Variants in TRIM3 observed in about 807,000 individuals in gnomAD.
The protein encoded by TRIM3 is tripartite motif-containing protein 3.
TRIM3 carries 13 observed loss-of-function variants against 66.6 expected under a neutral mutation model. That is an observed-to-expected ratio of 0.20 (90% CI 0.13 to 0.31). The LOEUF is 0.31. TRIM3 is among the 10% of genes least tolerant of loss of function. The pLI is 1.00. For synonymous variants in TRIM3, 406 were observed against 411.7 expected (o/e 0.99, Z 0.17); for missense variants, 711 against 1,020.4 (o/e 0.70, Z 4.13).
intron 1 of TRIM3, among the ~76,000 whole-genome samples, chr11:6,473,558 A>T (rs941833952): frequency 6.6e-6 from 1 of 151,962 alleles, no homozygotes; most frequent in Non-Finnish European, 1.5e-5. Context: ...CGCTCCCCTA[A>T]GGAACCATCA....
At chr11:6,469,364 G>A (rs1850592857) in intron 1 of TRIM3, among the ~76,000 whole-genome samples, 1 of 152,144 alleles carries the variant, frequency 6.6e-6, no homozygotes, top group African/African-American at 2.4e-5. Context: ...TACTGGGCAT[G>A]CAGCCGCTGA....
Position 6,450,213 on chromosome 11 carries a change from T to A in TRIM3, c.1941+338A>T. 3.8e-6 allele frequency: 1 copy of A among 264,442 alleles called. No homozygotes were observed. Among genetic ancestry groups the A allele is most frequent in the Admixed American group, 4.9e-5 (1 of 20,436 alleles). 16.4% of individuals were successfully genotyped at this position (264,442 alleles called of 1,614,324 possible). A position where few individuals can be genotyped will look rare whatever the true frequency, so the allele number is the denominator to read the frequency against. On this transcript the variant is annotated intron_variant, in intron 10 of 11. Transcript: ENST00000345851. The surrounding 1 kb of genome is among the most constrained non-coding windows in gnomAD (Gnocchi z 4.8). ...TGTGCTTGAGGTCCTCCTCATATAG[T>A]CTTTCCTGAATCATACACTTCTGTA...
At chr11:6,462,026 A>T (rs947037495) in intron 2 of TRIM3, among the ~76,000 whole-genome samples, 5 of 152,104 alleles carry the variant, frequency 3.3e-5, no homozygotes, top group Non-Finnish European at 7.4e-5. Context: ...TGGTATCTGA[A>T]CATGTCCTGT....
intron 1 of TRIM3, among the ~76,000 whole-genome samples, chr11:6,472,755 G>C (rs1218062053): frequency 6.6e-6 from 1 of 152,196 alleles, no homozygotes. Flanking sequence ...CCCAAGAAGA[G>C]AGACCTCTGC....
At chr11:6,453,275 A>G (rs1849811301) in intron 7 of TRIM3, 1 of 152,210 alleles carries the variant, frequency 6.6e-6, no homozygotes, top group Non-Finnish European at 1.5e-5. Flanking sequence ...TCATCAACTT[A>G]AACCTGGGCC....
At position 6,460,332 on chromosome 11, in the gene TRIM3, C is replaced by T. The variant is rs150267584; in HGVS notation, c.132-2036G>A. ...TTGAGTGAAGGGGAGCTTGAAAGTT[C>T]CAATGAGGAGCTGGTTGAGGGGTTG... On this transcript the variant is annotated intron_variant, in intron 2 of 11. Coordinates refer to ENST00000345851, the MANE Select transcript of TRIM3 (RefSeq NM_033278.4). Among the ~76,000 whole-genome samples, 411 of 152,182 alleles carry T rather than the reference C, an allele frequency of 2.7e-3. 2 individuals are homozygous for T. Among genetic ancestry groups the T allele is most frequent in the African/African-American group, 8.8e-3 (367 of 41,510 alleles).
At chr11:6,453,600 A>C (rs1849831592) in intron 7 of TRIM3, among the ~76,000 whole-genome samples, 1 of 152,260 alleles carries the variant, frequency 6.6e-6, no homozygotes, top group Non-Finnish European at 1.5e-5. Context: ...GAGGGAACTG[A>C]GAAGAATGTG....
chr11:6,453,077 A>C (rs1161475375), intron 7 of TRIM3: 1 of 152,200 alleles, frequency 6.6e-6, no homozygotes, highest in Non-Finnish European at 1.5e-5. Flanking sequence ...CCTTCTAAGG[A>C]TGTAAGCCTC....
At chr11:6,468,489 G>C (rs56024253) in intron 1 of TRIM3, among the ~76,000 whole-genome samples, 13,864 of 152,280 alleles carry the variant, frequency 0.091, 812 homozygotes, top group Non-Finnish European at 0.13. Context: ...GCACAAGAGA[G>C]GGGAGCCAGC....
Position 6,448,713 on chromosome 11 carries a change from G to C in TRIM3, c.*315C>G, listed in dbSNP as rs1849597588. 1.6e-6 allele frequency: 1 copy of C among 607,712 alleles called. No individual in the cohort carries two copies. The highest frequency in any genetic ancestry group is 2.0e-5 in the South Asian group (1 of 50,006). The allele number at this position is 607,712 out of a possible 1,614,324, so 37.6% of individuals were successfully genotyped here. ...GACAACTAGAGGGACTCCTGTCCTG[G>C]GGTAGGCTGTTCTGGCCCCAGGCTG... On this transcript the variant is annotated 3_prime_UTR_variant, in exon 12 of 12. Coordinates refer to ENST00000345851, the MANE Select transcript of TRIM3 (RefSeq NM_033278.4).
At chr11:6,455,923 G>A in intron 7 of TRIM3, 149 bp downstream of exon 7, 1 of 779,218 alleles carries the variant, frequency 1.3e-6, no homozygotes, top group South Asian at 1.7e-5. Flanking sequence ...GTGCGTAAGG[G>A]GTGATCCTTT....
chr11:6,464,383 C>T (rs1000996760), intron 2 of TRIM3, among the ~76,000 whole-genome samples: 1 of 152,198 alleles, frequency 6.6e-6, no homozygotes, highest in African/African-American at 2.4e-5. Context: ...ACCTAGTTAA[C>T]TCCTATTCAT....
rs779224265 is a variant in TRIM3 at position 6,450,662 on chromosome 11, G to A, written c.1871-41C>T. 6.9e-6 allele frequency: 11 copies of A among 1,585,834 alleles called. 1 individual carries two copies. The South Asian group carries it at 1.2e-4, about 18-fold the overall frequency. On this transcript the variant is annotated intron_variant, in intron 9 of 11. Coordinates refer to ENST00000345851, the MANE Select transcript of TRIM3 (RefSeq NM_033278.4). The surrounding 1 kb of genome is among the most constrained non-coding windows in gnomAD (Gnocchi z 4.8). Reference sequence around the variant, plus strand: ...GGTCTTCAGGGCAGTAAGCTGGGATGCTGAGTGGGATGGGGAAGAGTATCT... The same window carrying A: ...GGTCTTCAGGGCAGTAAGCTGGGATACTGAGTGGGATGGGGAAGAGTATCT...
chr11:6,463,633 C>A (rs1232241843), intron 2 of TRIM3, among the ~76,000 whole-genome samples: 4 of 152,188 alleles, frequency 2.6e-5, no homozygotes, highest in Non-Finnish European at 5.9e-5. Flanking sequence ...AAAGAGGGAG[C>A]AGTCAAAGGG....
intron 1 of TRIM3, among the ~76,000 whole-genome samples, chr11:6,471,920 T>A (rs1222523582): frequency 6.6e-6 from 1 of 151,802 alleles, no homozygotes; most frequent in Non-Finnish European, 1.5e-5. Context: ...AAGGCAGAGG[T>A]TATACATGAT....
rs540603568 is a variant in TRIM3, at chr11:6,466,561, C to G, written c.-37-829G>C. On this transcript the variant is annotated intron_variant, in intron 1 of 11. Coordinates refer to ENST00000345851, the MANE Select transcript of TRIM3 (RefSeq NM_033278.4). ...CCATACCTTTTCTACAACCTCATGT[C>G]TCATAAGTCTATGATCAATCATTCC... is the stretch of plus-strand genomic sequence containing the variant. 2.7e-5 allele frequency among the ~76,000 whole-genome samples: 4 copies of G among 150,718 alleles called. No homozygotes were observed. The East Asian group carries it at 5.8e-4, about 22-fold the overall frequency.
In TRIM3 at chr11:6,456,559, C is replaced by G. The variant is rs1391395469; in HGVS notation, c.1167G>C (p.Val389=). 1.2e-6 allele frequency: 2 copies of G among 1,612,696 alleles called. No individual in the cohort carries two copies. The highest frequency in any genetic ancestry group is 2.2e-5 in the South Asian group (2 of 90,996). The part of the protein sequence containing the change: ...VDHKNGTYEL[V]YTARTEGELL... ...GCTCGCCTTCCGTGCGCGCTGTGTA[C>G]ACTAGCTCATATGTGCCATTCTTGT... Residue 389 remains valine, a synonymous_variant, in exon 6 of 12, where the codon GTG becomes GTC. Coordinates refer to ENST00000345851, the MANE Select transcript of TRIM3 (RefSeq NM_033278.4). The surrounding 1 kb of genome is among the most constrained non-coding windows in gnomAD (Gnocchi z 6.4).
chr11:6,465,294 AG>A (rs1400808865), intron 2 of TRIM3, among the ~76,000 whole-genome samples: 1 of 152,140 alleles, frequency 6.6e-6, no homozygotes, highest in African/African-American at 2.4e-5. Flanking sequence ...TGGTGTCAAA[AG>A]CTGCCTTGAG....
intron 2 of TRIM3, 140 bp downstream of exon 2, chr11:6,465,425 C>T (rs1389700065): frequency 9.8e-7 from 1 of 1,018,602 alleles, no homozygotes; most frequent in African/African-American, 1.6e-5. Flanking sequence ...GGTTGGGGTT[C>T]ACCTGCTCTC....
Sources: gnomAD v4.1 joint callset for allele counts (sites outside exome capture counted in the v4.1 genomes callset) on GRCh38, gnomAD v4.1.1 for gene constraint, Gnocchi (gnomAD v3.1) non-coding constraint, MANE v1.5 for transcripts, NCBI Gene and HGNC (gene_info 2026-07-23, HGNC 2026-07-21) for gene names.